The following PNPLA6 variants were observed in gnomAD, a reference collection of about 807,000 sequenced individuals.
PNPLA6 encodes the protein patatin-like phospholipase domain-containing protein 6.
PNPLA6 carries 105 observed loss-of-function variants against 153.7 expected under a neutral mutation model. The observed-to-expected ratio is 0.68, with a 90% CI of 0.58 to 0.80. The LOEUF is 0.80. Ranked by LOEUF, PNPLA6 falls within the 30% of genes least tolerant of loss-of-function variation. PNPLA6 has a pLI of 0.00. For missense variants in PNPLA6, 1,423 were observed against 1,919.3 expected, an observed-to-expected ratio of 0.74 and a Z score of 4.83; for synonymous variants, 825 against 822.2, an observed-to-expected ratio of 1.00 and a Z score of -0.06.
Position 7,555,014 on chromosome 19 carries a change from C to A in PNPLA6, c.2756C>A (p.Ser919Ter). 6.3e-7 allele frequency: 1 copy of A among 1,593,646 alleles called. No homozygotes were observed. Residue 919 changes from serine to a stop codon, truncating the protein, a stop_gained, in exon 22 of 32, where the codon TCG (serine) becomes TAG (stop). Transcript: ENST00000600737. LOFTEE classifies it high-confidence loss of function. The surrounding 1 kb of genome is among the most constrained non-coding windows in gnomAD (Gnocchi z 6.3). ...VEWLNMRSWC[S>*]GHLHLRCPRR... is the part of the protein sequence containing the mutation. ...TGGCTAAATATGCGCAGCTGGTGCT[C>A]GGGGCACCTGCACCTGCGCTGTCCG...
At chr19:7,548,029 G>A (rs546852886) in intron 13 of PNPLA6, among the ~76,000 whole-genome samples, 1 of 132,908 alleles carries the variant, frequency 7.5e-6, no homozygotes, top group South Asian at 2.6e-4. Context: ...TGGAAGAATT[G>A]TCTTGGACCA....
intron 28 of PNPLA6, 41 bp from the exon 29 acceptor site, chr19:7,560,607 G>C: frequency 2.2e-6 from 3 of 1,343,096 alleles, no homozygotes; most frequent in Non-Finnish European, 3.2e-6. Flanking sequence ...GACAAGCAAA[G>C]CAGGGTTGCA....
chr19:7,555,608 G>C lies in PNPLA6; in HGVS notation c.2938G>C (p.Gly980Arg). The C allele has an allele frequency of 6.2e-7, 1 of 1,611,530 alleles. No homozygotes were observed. Among genetic ancestry groups the C allele is most frequent in the Non-Finnish European group, 8.5e-7 (1 of 1,179,440 alleles). ...CACTGGGGCCCATTTTCCCGGCAGG[G>C]GCTGCTCGCACATCGGAGTACTAAA... ...ALVLGGGGAR[G>R]CSHIGVLKAL... Residue 980 changes from glycine (G) to arginine (R), a missense_variant and splice_region_variant, in exon 24 of 32, where the codon GGC becomes CGC. Transcript: ENST00000600737. This position sits in a 1 kb window ranked among gnomAD's most constrained non-coding sequence, Gnocchi z 6.3.
chr19:7,535,104 G>A (rs1050988405), upstream of PNPLA6: 1 of 246,806 alleles, frequency 4.1e-6, no homozygotes, highest in Non-Finnish European at 8.2e-6. The surrounding 1 kb of genome is among the most constrained non-coding windows in gnomAD (Gnocchi z 5.0). Flanking sequence ...GGGTGGGGTG[G>A]TCAGGCTTGA....
At position 7,540,843 on chromosome 19, in the gene PNPLA6, C is replaced by G. The variant is rs572564433; in HGVS notation, c.796-80C>G. 3 of 1,594,612 alleles carry G rather than the reference C, an allele frequency of 1.9e-6. No homozygotes were observed. Among genetic ancestry groups the G allele is most frequent in the African/African-American group, 1.3e-5 (1 of 74,550 alleles). ...TGCCGATGGCCCCTCACGGGACTGG[C>G]GCCAGGAAGGATTAGGGGAGTAGCG... On this transcript the variant is annotated intron_variant, in intron 6 of 31. Transcript: ENST00000600737. The surrounding 1 kb of genome is among the most constrained non-coding windows in gnomAD (Gnocchi z 6.8).
chr19:7,540,069 G>A lies in PNPLA6; in HGVS notation c.554+11G>A. On this transcript the variant is annotated intron_variant, in intron 4 of 31. Transcript: ENST00000600737. The surrounding 1 kb of genome is among the most constrained non-coding windows in gnomAD (Gnocchi z 6.8). ...GCTCAAGAACGTCCGGTCAGTGTTG[G>A]GGTGCAGGTGGGGGTGGAGGGCTGC... 6.2e-7 allele frequency: 1 copy of A among 1,614,054 alleles called. No individual in the cohort carries two copies.
At chr19:7,544,231 C>T (rs1599281753) in intron 13 of PNPLA6, among the ~76,000 whole-genome samples, 1 of 152,168 alleles carries the variant, frequency 6.6e-6, no homozygotes, top group African/African-American at 2.4e-5. Flanking sequence ...CCTGCCTCAG[C>T]CTCCCGAGTA....
In PNPLA6 at chr19:7,541,316, C is replaced by A; in HGVS notation, c.925-38C>A. Reference sequence around the variant, plus strand: ...CCACCATCTGGCCCTGCCCCTTACCCCGCCCCATCTTATGGCCACGCCCCT... The same window carrying A: ...CCACCATCTGGCCCTGCCCCTTACCACGCCCCATCTTATGGCCACGCCCCT... On this transcript the variant is annotated intron_variant, in intron 7 of 31. Transcript: ENST00000600737. The surrounding 1 kb of genome is among the most constrained non-coding windows in gnomAD (Gnocchi z 5.2). 3.2e-6 allele frequency: 5 copies of A among 1,582,052 alleles called. No individual in the cohort carries two copies. Among genetic ancestry groups the A allele is most frequent in the Non-Finnish European group, 4.3e-6 (5 of 1,153,452 alleles).
chr19:7,545,174 G>A (rs141171833), intron 13 of PNPLA6, among the ~76,000 whole-genome samples: 46 of 152,156 alleles, frequency 3.0e-4, no homozygotes, highest in Non-Finnish European at 5.1e-4. Flanking sequence ...CTACAGTCAC[G>A]TGCCACCACG....
chr19:7,555,000 G>A lies in PNPLA6; in HGVS notation c.2742G>A (p.Met914Ile). The A allele has an allele frequency of 6.3e-7, 1 of 1,593,946 alleles. No homozygotes were observed. Among genetic ancestry groups the A allele is most frequent in the South Asian group, 1.1e-5 (1 of 90,160 alleles). ...GPTRTVEWLN[M>I]RSWCSGHLHL... ...CGCGCACCGTGGAGTGGCTAAATAT[G>A]CGCAGCTGGTGCTCGGGGCACCTGC... Residue 914 changes from methionine to isoleucine, a missense_variant, in exon 22 of 32, where the codon ATG becomes ATA. Met to Ile is a conservative substitution (Grantham distance 10). Around this residue, in one of 10 missense-constraint regions of PNPLA6, gnomAD observed 643 missense variants for 835.2 expected, o/e 0.77. Coordinates refer to ENST00000600737, the MANE Select transcript of PNPLA6 (RefSeq NM_001166114.2).
In PNPLA6 at chr19:7,561,227, GAC is replaced by G; in HGVS notation, c.3935_3936del (p.Thr1312ArgfsTer3). The G allele has an allele frequency of 6.2e-7, 1 of 1,610,242 alleles. No individual in the cohort carries two copies. Among genetic ancestry groups the G allele is most frequent in the Non-Finnish European group, 8.5e-7 (1 of 1,178,820 alleles). On this transcript the variant is annotated frameshift_variant, in exon 31 of 32. Coordinates refer to ENST00000600737, the MANE Select transcript of PNPLA6 (RefSeq NM_001166114.2). LOFTEE classifies it high-confidence loss of function. ...CADGEESDCL[T>X]EYEEDAGPDC... ...TTCCAGGAGAGGAGTCAGATTGTCT[GAC>G]AGAGTATGAGGAGGACGCCGGACCC... is the stretch of plus-strand genomic sequence containing the variant.
In PNPLA6 at chr19:7,561,480, C is replaced by T; in HGVS notation, c.4024-8C>T. On this transcript the variant is annotated splice_region_variant and splice_polypyrimidine_tract_variant and intron_variant, in intron 31 of 31. Coordinates refer to ENST00000600737, the MANE Select transcript of PNPLA6 (RefSeq NM_001166114.2). ...GCTGGGTGACGTGTGTGTGACCTTC[C>T]CTCGCAGGAGGAGGAGAAGTCGATT... 1 of 1,602,870 alleles carries T rather than the reference C, an allele frequency of 6.2e-7. No individual in the cohort carries two copies. The highest frequency in any genetic ancestry group is 8.5e-7 in the Non-Finnish European group (1 of 1,174,824).
rs1369120103 is a variant in PNPLA6 at position 7,555,635 on chromosome 19, G to A, written c.2965G>A (p.Ala989Thr). 6 of 1,612,730 alleles carry A rather than the reference G, an allele frequency of 3.7e-6. No individual in the cohort carries two copies. The Admixed American group carries it at 5.0e-5, about 13-fold the overall frequency. The change falls in exon 24 of 32, where the codon GCA becomes ACA. Residue 989 changes from alanine (A) to threonine (T), a missense_variant. By Grantham distance (58) the Ala-to-Thr change is moderately conservative (BLOSUM62 0). Transcript: ENST00000600737. The surrounding 1 kb of genome is among the most constrained non-coding windows in gnomAD (Gnocchi z 6.3). Reference protein sequence around the residue: ...RGCSHIGVLKALEEAGVPVDL... With the variant: ...RGCSHIGVLKTLEEAGVPVDL... ...CTGCTCGCACATCGGAGTACTAAAGGCATTAGAGGAGGCGGGGGTCCCCGT... is the reference window on the plus strand; with the variant it reads ...CTGCTCGCACATCGGAGTACTAAAGACATTAGAGGAGGCGGGGGTCCCCGT...
chr19:7,544,690 G>A (rs1364321310), intron 13 of PNPLA6, among the ~76,000 whole-genome samples: 1 of 152,026 alleles, frequency 6.6e-6, no homozygotes, highest in East Asian at 1.9e-4. Context: ...GGGTTGGGGT[G>A]GGGTGGGAGC....
rs200300418 is a variant in PNPLA6, at chr19:7,560,797, C to T, written c.3816+33C>T. 1,606 of 1,341,080 alleles carry T rather than the reference C, an allele frequency of 1.2e-3. 1 individual carries two copies. The highest frequency in any genetic ancestry group is 1.6e-3 in the Non-Finnish European group (1,522 of 931,372). 83.1% of individuals were successfully genotyped at this position (1,341,080 alleles called of 1,614,324 possible). A position where few individuals can be genotyped will look rare whatever the true frequency, so the allele number is the denominator to read the frequency against. On this transcript the variant is annotated intron_variant, in intron 29 of 31. Coordinates refer to ENST00000600737, the MANE Select transcript of PNPLA6 (RefSeq NM_001166114.2). The stretch of plus-strand genomic sequence containing the variant: ...TGTGATGCCCCCAGGGCCACTCTGA[C>T]TCCACTGATTACAGAACCCAAGCCC...
Position 7,554,233 on chromosome 19 carries a change from ACATCATC to A in PNPLA6, c.2428_2434del (p.Ile810GlyfsTer39). ...GGTCCGACGCTACTCCTTAACAGTG[ACATCATC>A]CGGGCACGCCTGGGGGCCTCCGCAC... On this transcript the variant is annotated frameshift_variant, in exon 20 of 32. Transcript: ENST00000600737. LOFTEE classifies it high-confidence loss of function. 1 of 1,613,856 alleles carries A rather than the reference ACATCATC, an allele frequency of 6.2e-7. No individual in the cohort carries two copies. The highest frequency in any genetic ancestry group is 8.5e-7 in the Non-Finnish European group (1 of 1,179,942).
At chr19:7,547,811 A>ATTTTTTTTTTT (rs71286227) in intron 13 of PNPLA6, among the ~76,000 whole-genome samples, 6 of 114,558 alleles carry the variant, frequency 5.2e-5, no homozygotes, top group Non-Finnish European at 8.6e-5. Flanking sequence ...CTAATTAAAA[A>ATTTTTTTTTTT]TTTTTTTTTT....
rs1050648166 is a variant in PNPLA6, at chr19:7,555,991, C to T, written c.3093+228C>T. On this transcript the variant is annotated intron_variant, in intron 24 of 31. Coordinates refer to ENST00000600737, the MANE Select transcript of PNPLA6 (RefSeq NM_001166114.2). The surrounding 1 kb of genome is among the most constrained non-coding windows in gnomAD (Gnocchi z 6.3). The stretch of plus-strand genomic sequence containing the variant: ...AACCCATAACCCCCAACGAGAGCAC[C>T]CAGGGCCCTTGGTGACCACCTTGTG... Among the ~76,000 whole-genome samples, 1 of 151,838 alleles carries T rather than the reference C, an allele frequency of 6.6e-6. No homozygotes were observed. The highest frequency in any genetic ancestry group is 6.6e-5 in the Admixed American group (1 of 15,242).
intron 28 of PNPLA6, among the ~76,000 whole-genome samples, chr19:7,559,471 A>G (rs1201976810): frequency 3.9e-5 from 6 of 152,214 alleles, no homozygotes; most frequent in Non-Finnish European, 8.8e-5. Flanking sequence ...CCACAGTTCC[A>G]GGAGAGGGAG....
Sources: gnomAD v4.1 joint callset for allele counts (sites outside exome capture counted in the v4.1 genomes callset) on GRCh38, gnomAD v4.1.1 for gene constraint, gnomAD v4.1.1 regional missense constraint, Gnocchi (gnomAD v3.1) non-coding constraint, MANE v1.5 for transcripts, NCBI Gene and HGNC (gene_info 2026-07-23, HGNC 2026-07-21) for gene names.